Variants in CHRM2 observed in about 807,000 individuals in gnomAD.
The protein encoded by CHRM2 is muscarinic acetylcholine receptor M2.
CHRM2 carries 8 observed loss-of-function variants against 25.0 expected under a neutral mutation model. That is an observed-to-expected ratio of 0.32 (90% CI 0.19 to 0.58). CHRM2 has a LOEUF of 0.58. CHRM2 is among the 20% of genes least tolerant of loss of function. CHRM2 has a pLI of 0.88. For synonymous variants in CHRM2, 202 were observed against 205.7 expected, an observed-to-expected ratio of 0.98 and a Z score of 0.15; for missense variants, 440 against 567.1, an observed-to-expected ratio of 0.78 and a Z score of 2.28.
chr7:136,872,636 T>C (rs1463802509), intron 2 of CHRM2, among the ~76,000 whole-genome samples: 2 of 152,178 alleles, frequency 1.3e-5, no homozygotes, highest in South Asian at 2.1e-4. Flanking sequence ...TGCTGGCAGG[T>C]AGGGAAGGCA....
chr7:136,868,847 T>A lies in CHRM2; in HGVS notation c.-428T>A, dbSNP rs1377072618. The stretch of plus-strand genomic sequence containing the variant: ...GGAAATCGCAGATTTCACCAGGAAA[T>A]CGCCGAGGTACCCGAATAGGTGTTG... On this transcript the variant is annotated 5_prime_UTR_variant, in exon 1 of 4. Coordinates refer to ENST00000680005, the MANE Select transcript of CHRM2 (RefSeq NM_001006630.2). 1 of 152,058 alleles carries A rather than the reference T, an allele frequency of 6.6e-6. No homozygotes were observed. The highest frequency in any genetic ancestry group is 2.4e-5 in the African/African-American group (1 of 41,302). 9.4% of individuals were successfully genotyped at this position (152,058 alleles called of 1,614,324 possible). A position where few individuals can be genotyped will look rare whatever the true frequency, so the allele number is the denominator to read the frequency against.
At chr7:136,985,820 C>A (rs1298122058) in intron 2 of CHRM2, among the ~76,000 whole-genome samples, 4 of 152,112 alleles carry the variant, frequency 2.6e-5, no homozygotes, top group African/African-American at 9.7e-5. Flanking sequence ...ACTGGCAAGA[C>A]CTCTGAGTAA....
intron 2 of CHRM2, among the ~76,000 whole-genome samples, chr7:136,986,893 G>T (rs1026323330): frequency 2.0e-5 from 3 of 151,970 alleles, no homozygotes; most frequent in African/African-American, 7.3e-5. Context: ...TCTTATAATG[G>T]ACCCAATTTA....
intron 2 of CHRM2, among the ~76,000 whole-genome samples, chr7:136,882,789 A>ATCTAATTAATCTGATTAGAT (rs1796315769): frequency 6.6e-6 from 1 of 152,102 alleles, no homozygotes; most frequent in African/African-American, 2.4e-5. Context: ...TTTAAGCTGA[A>ATCTAATTAATCTGATTAGAT]TCTAATTAAT....
rs146227926 is a variant in CHRM2 at position 136,955,023 on chromosome 7, C to T, written c.-124-37164C>T. ...TTAATACCCCTACTAGTACTATACCCTAAGTGCTGCACTTTCCTTTCTTGG... is the reference window on the plus strand; with the variant it reads ...TTAATACCCCTACTAGTACTATACCTTAAGTGCTGCACTTTCCTTTCTTGG... On this transcript the variant is annotated intron_variant, in intron 2 of 3. Transcript: ENST00000680005. 6.0e-4 allele frequency among the ~76,000 whole-genome samples: 91 copies of T among 152,214 alleles called. 1 individual carries two copies. The highest frequency in any genetic ancestry group is 2.0e-3 in the African/African-American group (84 of 41,486).
intron 2 of CHRM2, among the ~76,000 whole-genome samples, chr7:136,953,262 G>A (rs1008124093): frequency 6.6e-6 from 1 of 152,032 alleles, no homozygotes; most frequent in Admixed American, 6.6e-5. Context: ...TAGAGACTGA[G>A]CATCTAAGTG....
intron 2 of CHRM2, among the ~76,000 whole-genome samples, chr7:136,942,196 T>C (rs1799812768): frequency 6.6e-6 from 1 of 152,178 alleles, no homozygotes; most frequent in African/African-American, 2.4e-5. Flanking sequence ...TTGAGGTCTG[T>C]TGTTTTTCTT....
rs74939810 is a variant in CHRM2, at chr7:137,011,438, C to T, written c.-46-3382C>T. 1.6e-3 allele frequency among the ~76,000 whole-genome samples: 239 copies of T among 151,800 alleles called. 1 individual carries two copies. Among genetic ancestry groups the T allele is most frequent in the African/African-American group, 5.7e-3 (235 of 41,400 alleles). ...GGTGTAAGTCCTGGAGTTCAAAGCC[C>T]GGTCTGCCTGGAATTCTGATGTCCA... On this transcript the variant is annotated intron_variant, in intron 3 of 3. Transcript: ENST00000680005.
intron 3 of CHRM2, among the ~76,000 whole-genome samples, chr7:137,009,435 T>C (rs935758507): frequency 2.6e-5 from 4 of 152,102 alleles, no homozygotes; most frequent in African/African-American, 9.6e-5. Context: ...TATTTTCATG[T>C]GCAGAACCCT....
chr7:136,978,157 A>G (rs2130959908), intron 2 of CHRM2, among the ~76,000 whole-genome samples: 1 of 152,312 alleles, frequency 6.6e-6, no homozygotes, highest in South Asian at 2.1e-4. Context: ...TGTATCCCAA[A>G]CCATAGAGCC....
intron 2 of CHRM2, among the ~76,000 whole-genome samples, chr7:136,942,781 C>T (rs1378214728): frequency 6.6e-6 from 1 of 152,248 alleles, no homozygotes; most frequent in East Asian, 1.9e-4. Flanking sequence ...CCTTGCTTTG[C>T]TGGTTTCTAG....
chr7:136,954,429 C>A (rs1800598186), intron 2 of CHRM2, among the ~76,000 whole-genome samples: 1 of 152,170 alleles, frequency 6.6e-6, no homozygotes, highest in South Asian at 2.1e-4. Flanking sequence ...CTGTCGATTT[C>A]TTCCTCCATA....
At chr7:136,961,503 T>G (rs970061462) in intron 2 of CHRM2, among the ~76,000 whole-genome samples, 1 of 152,216 alleles carries the variant, frequency 6.6e-6, no homozygotes, top group Non-Finnish European at 1.5e-5. Flanking sequence ...CCACTAAAAA[T>G]ATGTTTAATT....
intron 3 of CHRM2, among the ~76,000 whole-genome samples, chr7:137,010,773 TCTAC>T: frequency 6.6e-6 from 1 of 152,152 alleles, no homozygotes; most frequent in East Asian, 1.9e-4. Context: ...TTTATTGTGT[TCTAC>T]CTGAGTAAGA....
intron 2 of CHRM2, among the ~76,000 whole-genome samples, chr7:136,884,532 G>T (rs1177039996): frequency 1.3e-5 from 2 of 151,476 alleles, no homozygotes; most frequent in East Asian, 3.9e-4. Flanking sequence ...TTTATCAGGG[G>T]AAAGTGGAGA....
intron 2 of CHRM2, among the ~76,000 whole-genome samples, chr7:136,878,603 C>T (rs780383892): frequency 2.6e-5 from 4 of 151,854 alleles, no homozygotes; most frequent in Admixed American, 6.6e-5. Context: ...ACAAAAACCA[C>T]GAAATGACAG....
At chr7:136,975,652 T>C (rs1191875449) in intron 2 of CHRM2, among the ~76,000 whole-genome samples, 1 of 152,186 alleles carries the variant, frequency 6.6e-6, no homozygotes, top group Non-Finnish European at 1.5e-5. Context: ...GTTTATAATA[T>C]CAAAGGACAG....
intron 2 of CHRM2, among the ~76,000 whole-genome samples, chr7:136,986,431 C>T (rs1264758577): frequency 6.6e-6 from 1 of 152,092 alleles, no homozygotes; most frequent in African/African-American, 2.4e-5. Context: ...TATAAGCTCT[C>T]ATTTCAATAT....
At chr7:136,970,800 G>A (rs324595) in intron 2 of CHRM2, among the ~76,000 whole-genome samples, 130,365 of 152,204 alleles carry the variant, frequency 0.86, 56,642 homozygotes, top group Middle Eastern at 0.97. Context: ...TTGTAACTTT[G>A]CACAGTTAAA....
Sources: allele counts gnomAD v4.1 joint callset (sites outside exome capture counted in the v4.1 genomes callset), GRCh38; gene constraint gnomAD v4.1.1; transcripts MANE v1.5; gene names NCBI Gene and HGNC (gene_info 2026-07-23, HGNC 2026-07-21).